HS3ST3A1: variants seen among roughly 807,000 people sequenced by gnomAD.
HS3ST3A1 encodes the protein heparan sulfate-glucosamine 3-sulfotransferase 3A1.
A neutral mutation model predicts 25.7 loss-of-function variants in HS3ST3A1; 19 were observed. The ratio of observed to expected loss-of-function variants is 0.74; its 90% CI spans 0.52 to 1.08. HS3ST3A1 has a LOEUF of 1.08. HS3ST3A1 is among the 50% of genes least tolerant of loss of function. HS3ST3A1 has a pLI of 0.00. For missense variants in HS3ST3A1, 459 were observed against 594.3 expected, an observed-to-expected ratio of 0.77 and a Z score of 2.37; for synonymous variants, 226 against 278.6, an observed-to-expected ratio of 0.81 and a Z score of 1.88.
intron 1 of HS3ST3A1, among the ~76,000 whole-genome samples, chr17:13,498,782 C>G (rs899492512): frequency 3.9e-5 from 6 of 152,188 alleles, no homozygotes; most frequent in African/African-American, 1.4e-4. Context: ...ACAATTTCCT[C>G]TGTATCTTTG....
chr17:13,548,300 T>C (rs1237477009), intron 1 of HS3ST3A1, among the ~76,000 whole-genome samples: 1 of 152,160 alleles, frequency 6.6e-6, no homozygotes, highest in Non-Finnish European at 1.5e-5. Context: ...TCTGTGTCAT[T>C]CTCACATGGA....
intron 1 of HS3ST3A1, among the ~76,000 whole-genome samples, chr17:13,572,384 G>C (rs905447065): frequency 1.6e-4 from 25 of 152,076 alleles, no homozygotes; most frequent in African/African-American, 5.8e-4. Flanking sequence ...GGGGGTGACC[G>C]CTCGGACCAC....
At chr17:13,558,167 T>C (rs544123891) in intron 1 of HS3ST3A1, among the ~76,000 whole-genome samples, 3 of 152,264 alleles carry the variant, frequency 2.0e-5, no homozygotes, top group African/African-American at 7.2e-5. Context: ...AGCTCCTTGC[T>C]GCTTGGGAGG....
chr17:13,571,968 C>T (rs1179125362), intron 1 of HS3ST3A1, among the ~76,000 whole-genome samples: 1 of 152,084 alleles, frequency 6.6e-6, no homozygotes, highest in African/African-American at 2.4e-5. Context: ...CCACACTAGC[C>T]AGTTGGTCTC....
Position 13,601,268 on chromosome 17 carries a change from C to A in HS3ST3A1, c.-139G>T, listed in dbSNP as rs75351960. 1.6e-6 allele frequency: 1 copy of A among 618,886 alleles called. No individual in the cohort carries two copies. The highest frequency in any genetic ancestry group is 3.4e-5 in the East Asian group (1 of 29,054). 38.3% of individuals were successfully genotyped at this position (618,886 alleles called of 1,614,324 possible). On this transcript the variant is annotated 5_prime_UTR_variant, in exon 1 of 2. Coordinates refer to ENST00000284110, the MANE Select transcript of HS3ST3A1 (RefSeq NM_006042.3). The stretch of plus-strand genomic sequence containing the variant: ...GCGCCCCTGTGGCCGTGCGAACTGT[C>A]CCGGGAGGCAGCGGCCGGGGCTCCG...
intron 1 of HS3ST3A1, among the ~76,000 whole-genome samples, chr17:13,587,109 T>C (rs537340337): frequency 9.2e-5 from 14 of 152,036 alleles, no homozygotes; most frequent in African/African-American, 3.1e-4. Context: ...TACATTTCCA[T>C]TGGACTGTGC....
At chr17:13,510,081 G>A (rs1182708359) in intron 1 of HS3ST3A1, among the ~76,000 whole-genome samples, 1 of 152,242 alleles carries the variant, frequency 6.6e-6, no homozygotes, top group East Asian at 1.9e-4. Context: ...CTGGTTCTCA[G>A]GTCAGCATCT....
chr17:13,520,618 C>CTTTCTTTCT (rs1555537905), intron 1 of HS3ST3A1, among the ~76,000 whole-genome samples: 1 of 147,770 alleles, frequency 6.8e-6, no homozygotes, highest in African/African-American at 2.5e-5. Context: ...TTCTTTCTTT[C>CTTTCTTTCT]TTTTTTTTTT....
rs139496927 is a variant in HS3ST3A1, at chr17:13,536,989, T to C, written c.600-40171A>G. 4.4e-3 allele frequency among the ~76,000 whole-genome samples: 670 copies of C among 152,346 alleles called. 7 individuals carry two copies. The highest frequency in any genetic ancestry group is 0.017 in the Middle Eastern group (5 of 294). On this transcript the variant is annotated intron_variant, in intron 1 of 1. Coordinates refer to ENST00000284110, the MANE Select transcript of HS3ST3A1 (RefSeq NM_006042.3). ...CTTCTCCCACCTATGCTAAGTGACCTGACGTAAGGTCTGCGAAGGACAGTA... is the reference window on the plus strand; with the variant it reads ...CTTCTCCCACCTATGCTAAGTGACCCGACGTAAGGTCTGCGAAGGACAGTA...
At chr17:13,589,734 A>G (rs1343328168) in intron 1 of HS3ST3A1, among the ~76,000 whole-genome samples, 3 of 152,228 alleles carry the variant, frequency 2.0e-5, no homozygotes, top group Admixed American at 2.0e-4. Flanking sequence ...TTGTCTGTGA[A>G]ATGAAATCAC....
rs540086228 is a variant in HS3ST3A1 at position 13,562,367 on chromosome 17, C to T, written c.599+38164G>A. ...CAGACAGACAGCCTCGTCTATTCTG[C>T]GAACATTTCACATCCTGTCACCAGT... On this transcript the variant is annotated intron_variant, in intron 1 of 1. Coordinates refer to ENST00000284110, the MANE Select transcript of HS3ST3A1 (RefSeq NM_006042.3). Among the ~76,000 whole-genome samples the T allele has an allele frequency of 3.3e-5, 5 of 152,208 alleles. 1 individual carries two copies. The South Asian group carries it at 6.2e-4, about 19-fold the overall frequency.
chr17:13,573,503 C>T, intron 1 of HS3ST3A1, among the ~76,000 whole-genome samples: 1 of 152,098 alleles, frequency 6.6e-6, no homozygotes, highest in South Asian at 2.1e-4. Flanking sequence ...TTTATGATTC[C>T]TTTTTAGTCT....
chr17:13,592,344 C>T (rs1042901502), intron 1 of HS3ST3A1, among the ~76,000 whole-genome samples: 2 of 152,120 alleles, frequency 1.3e-5, no homozygotes, highest in African/African-American at 2.4e-5. Flanking sequence ...CAGATCATTC[C>T]GCATCATCCA....
At chr17:13,534,514 G>T (rs1374216950) in intron 1 of HS3ST3A1, among the ~76,000 whole-genome samples, 1 of 132,856 alleles carries the variant, frequency 7.5e-6, no homozygotes, top group Non-Finnish European at 1.6e-5. Flanking sequence ...GACCAGCCTG[G>T]GTAACATGGT....
chr17:13,550,536 C>T (rs1247500427), intron 1 of HS3ST3A1, among the ~76,000 whole-genome samples: 1 of 152,076 alleles, frequency 6.6e-6, no homozygotes, highest in Non-Finnish European at 1.5e-5. Flanking sequence ...CCTGAATCAC[C>T]ACTTGGAGCT....
At chr17:13,552,917 C>T (rs1339723620) in intron 1 of HS3ST3A1, among the ~76,000 whole-genome samples, 1 of 152,198 alleles carries the variant, frequency 6.6e-6, no homozygotes, top group Admixed American at 6.5e-5. Context: ...CTCTGGTAGA[C>T]TTACAGTCCT....
intron 1 of HS3ST3A1, among the ~76,000 whole-genome samples, chr17:13,548,370 C>G (rs1907145054): frequency 6.6e-6 from 1 of 152,132 alleles, no homozygotes; most frequent in East Asian, 1.9e-4. Context: ...GTCATAGCAT[C>G]TCTACTCTCA....
At chr17:13,532,312 G>A (rs1906628250) in intron 1 of HS3ST3A1, among the ~76,000 whole-genome samples, 1 of 152,072 alleles carries the variant, frequency 6.6e-6, no homozygotes, top group African/African-American at 2.4e-5. Flanking sequence ...GTAACACAGC[G>A]GGGCATAGGT....
intron 1 of HS3ST3A1, among the ~76,000 whole-genome samples, chr17:13,517,438 T>C (rs1378422345): frequency 6.6e-6 from 1 of 152,122 alleles, no homozygotes; most frequent in Admixed American, 6.5e-5. Flanking sequence ...TAAGGGAATG[T>C]TTATGTTCAC....
Sources: allele counts gnomAD v4.1 joint callset (sites outside exome capture counted in the v4.1 genomes callset), GRCh38; gene constraint gnomAD v4.1.1; transcripts MANE v1.5; gene names NCBI Gene and HGNC (gene_info 2026-07-23, HGNC 2026-07-21).